Variants in EIF3I observed in about 807,000 individuals in gnomAD.
EIF3I encodes TGF-beta receptor-interacting protein 1.
EIF3I carries 20 observed loss-of-function variants against 43.3 expected under a neutral mutation model. The observed-to-expected ratio is 0.46, with a 90% CI of 0.32 to 0.67. EIF3I has a LOEUF of 0.67. Ranked by LOEUF, EIF3I falls within the 30% of genes least tolerant of loss-of-function variation. EIF3I has a pLI of 0.03. For missense variants in EIF3I, 279 were observed against 421.4 expected (o/e 0.66, Z 2.96); for synonymous variants, 167 against 151.7 (o/e 1.10, Z -0.74).
downstream of EIF3I, chr1:32,233,986 G>A (rs1639270085): frequency 6.6e-6 from 1 of 152,112 alleles, no homozygotes; most frequent in African/African-American, 2.4e-5. Flanking sequence ...TTGAATTCGG[G>A]AAAGATGGCT....
downstream of EIF3I, among the ~76,000 whole-genome samples, chr1:32,232,873 A>C (rs148683972): frequency 6.5e-3 from 984 of 152,298 alleles, 9 homozygotes; most frequent in African/African-American, 0.022. Context: ...TTCACCCTGG[A>C]AAGGTGAACC....
At chr1:32,229,247 G>A (rs1363947859) in intron 9 of EIF3I, 39 bp downstream of exon 9, 2 of 1,598,968 alleles carry the variant, frequency 1.3e-6, no homozygotes, top group East Asian at 4.5e-5. Context: ...AAAATCTCAT[G>A]TGGTGTACCT....
chr1:32,229,173 C>T, exon 9 of EIF3I: 1 of 1,614,180 alleles, frequency 6.2e-7, no homozygotes, highest in Non-Finnish European at 8.5e-7. Context: ...TGGATGTAAC[C>T]ACAACCTCCA....
chr1:32,235,811 T>C (rs1639291952), downstream of EIF3I, among the ~76,000 whole-genome samples: 1 of 152,190 alleles, frequency 6.6e-6, no homozygotes, highest in African/African-American at 2.4e-5. Flanking sequence ...TAGCATTCCC[T>C]GGGGAGCCCC....
chr1:32,228,824 A>T lies in EIF3I; in HGVS notation c.729+8A>T, dbSNP rs769688266. The T allele has an allele frequency of 6.2e-7, 1 of 1,609,160 alleles. No homozygotes were observed. Among genetic ancestry groups the T allele is most frequent in the Non-Finnish European group, 8.5e-7 (1 of 1,176,012 alleles). On this transcript the variant is annotated splice_region_variant and intron_variant, in intron 8 of 11. Coordinates refer to ENST00000676679, the Ensembl canonical transcript of EIF3I. ...TCCCCCAACTATGACCATGTAAGAG[A>T]ACCCCACCTGCCTTCCTGCTGAAGC...
intron 9 of EIF3I, among the ~76,000 whole-genome samples, chr1:32,229,547 C>CTTTTTTTTTT (rs1199129615): frequency 9.6e-6 from 1 of 104,490 alleles, no homozygotes; most frequent in African/African-American, 3.7e-5. Context: ...CGTGCCCAGC[C>CTTTTTTTTTT]TTTTTTTTTT....
chr1:32,226,593 G>T, intron 6 of EIF3I, 63 bp downstream of exon 6: 1 of 1,385,184 alleles, frequency 7.2e-7, no homozygotes, highest in Non-Finnish European at 9.4e-7. Flanking sequence ...TTAAGATAGA[G>T]TCTCTCTCTG....
chr1:32,235,369 TCTCCAGG>T (rs989541600), downstream of EIF3I, among the ~76,000 whole-genome samples: 13 of 151,670 alleles, frequency 8.6e-5, no homozygotes, highest in African/African-American at 2.2e-4. Context: ...TCTTGCTCTG[TCTCCAGG>T]CTGGAGTGCA....
chr1:32,235,263 T>A (rs2124274252), downstream of EIF3I: 1 of 151,936 alleles, frequency 6.6e-6, no homozygotes, highest in East Asian at 1.9e-4. Context: ...GGGAGTCCAG[T>A]CTCACGGCAC....
chr1:32,222,643 T>C lies in EIF3I; in HGVS notation c.96+13T>C. On this transcript the variant is annotated intron_variant, in intron 2 of 11. Coordinates refer to ENST00000676679, the Ensembl canonical transcript of EIF3I. ...GGCCAAGGACCCTGTGAGTGTTGGC[T>C]GGAGGGGGTCCGGGAGGGGCGGGAT... The C allele has an allele frequency of 6.2e-7, 1 of 1,610,510 alleles. No homozygotes were observed. The highest frequency in any genetic ancestry group is 8.5e-7 in the Non-Finnish European group (1 of 1,176,962).
chr1:32,222,603 C>T (rs536664845), exon 2 of EIF3I: 23 of 1,614,118 alleles, frequency 1.4e-5, no homozygotes, highest in East Asian at 4.5e-5. Context: ...GCGAAGGAGA[C>T]CTCCTCTTTA....
intron 6 of EIF3I, among the ~76,000 whole-genome samples, chr1:32,227,275 TAAAAA>T (rs1005926284): frequency 1.8e-5 from 1 of 55,422 alleles, no homozygotes; most frequent in Non-Finnish European, 3.8e-5. Context: ...ACCCTGTCTC[TAAAAA>T]AAAAAAAAAA....
At chr1:32,224,281 C>A in intron 3 of EIF3I, 129 bp from the exon 4 acceptor site, 2 of 1,099,944 alleles carry the variant, frequency 1.8e-6, no homozygotes, top group Non-Finnish European at 2.8e-6. Context: ...AGGACAAATT[C>A]CAGTTCTGGA....
In EIF3I at chr1:32,224,378, G is replaced by A. The variant is rs1002637739; in HGVS notation, c.185-32G>A. On this transcript the variant is annotated intron_variant, in intron 3 of 11. Coordinates refer to ENST00000676679, the Ensembl canonical transcript of EIF3I. Reference sequence around the variant, plus strand: ...ATCCCAAGAGGACAAGGGCTCGGGTGAACTTCGTCATATTTCTTAACAACT... The same window carrying A: ...ATCCCAAGAGGACAAGGGCTCGGGTAAACTTCGTCATATTTCTTAACAACT... The A allele has an allele frequency of 1.6e-5, 26 of 1,598,876 alleles. No individual in the cohort carries two copies. In the African/African-American group the frequency reaches 2.0e-4, roughly 12 times the overall value.
chr1:32,225,418 A>T (rs959788297), intron 4 of EIF3I, among the ~76,000 whole-genome samples: 3 of 152,150 alleles, frequency 2.0e-5, no homozygotes, highest in Non-Finnish European at 4.4e-5. Context: ...CCACATTAGC[A>T]GGATGTCTGA....
chr1:32,222,630 TGTGA>T lies in EIF3I; in HGVS notation c.96+4_96+7del. ...TCCTCTTTACTGTGGCCAAGGACCC[TGTGA>T]GTGTTGGCTGGAGGGGGTCCGGGAG... On this transcript the variant is annotated splice_donor_variant and splice_donor_region_variant and intron_variant, in intron 2 of 11. Coordinates refer to ENST00000676679, the Ensembl canonical transcript of EIF3I. LOFTEE classifies it high-confidence loss of function. 1 of 1,613,690 alleles carries T rather than the reference TGTGA, an allele frequency of 6.2e-7. No individual in the cohort carries two copies. The highest frequency in any genetic ancestry group is 2.2e-5 in the East Asian group (1 of 44,878).
chr1:32,227,172 G>A lies in EIF3I; in HGVS notation c.528+642G>A, dbSNP rs116440320. ...TCACATCTGTAATCCCAGTGCCTTT[G>A]GGGGCCAAGGCAGGAGGATCTCTTG... On this transcript the variant is annotated intron_variant, in intron 6 of 11. Coordinates refer to ENST00000676679, the Ensembl canonical transcript of EIF3I. Among the ~76,000 whole-genome samples, 887 of 150,824 alleles carry A rather than the reference G, an allele frequency of 5.9e-3. 6 individuals carry two copies. The highest frequency in any genetic ancestry group is 0.021 in the African/African-American group (850 of 41,030).
At chr1:32,224,041 A>G in exon 3 of EIF3I, 6 of 1,614,174 alleles carry the variant, frequency 3.7e-6, no homozygotes, top group Non-Finnish European at 4.2e-6. Flanking sequence ...CAGATCGTCA[A>G]TGTATGGTAC....
chr1:32,229,280 A>G (rs1639196024), intron 9 of EIF3I, 72 bp downstream of exon 9: 1 of 1,524,886 alleles, frequency 6.6e-7, no homozygotes. Context: ...TTTGTTTTTG[A>G]GATGGAGTCT....
Sources: gnomAD v4.1 joint callset for allele counts (sites outside exome capture counted in the v4.1 genomes callset) on GRCh38, gnomAD v4.1.1 for gene constraint, MANE v1.5 for transcripts, NCBI Gene and HGNC (gene_info 2026-07-23, HGNC 2026-07-21) for gene names.